DNMBP: variants seen among roughly 807,000 people sequenced by gnomAD.
DNMBP encodes dynamin binding protein.
In DNMBP, 87 loss-of-function variants were observed where a neutral mutation model predicts 150.0. That is an observed-to-expected ratio of 0.58 (90% CI 0.49 to 0.69). The LOEUF (loss-of-function observed/expected upper bound fraction) is 0.69. Ranked by LOEUF, DNMBP falls within the 30% of genes least tolerant of loss-of-function variation. The pLI, the probability that DNMBP is intolerant of heterozygous loss-of-function variation, is 0.00. For synonymous variants in DNMBP, 711 were observed against 750.4 expected (o/e 0.95, Z 0.86); for missense variants, 1,774 against 1,949.0 (o/e 0.91, Z 1.69).
chr10:100,004,327 G>A (rs2041046397), intron 1 of DNMBP, among the ~76,000 whole-genome samples: 1 of 151,632 alleles, frequency 6.6e-6, no homozygotes, highest in Non-Finnish European at 1.5e-5. Flanking sequence ...ATTTTATATG[G>A]AAAAAATAAA....
chr10:99,913,186 C>T (rs1456695996), intron 4 of DNMBP, among the ~76,000 whole-genome samples: 1 of 152,028 alleles, frequency 6.6e-6, no homozygotes, highest in African/African-American at 2.4e-5. Context: ...GCGGCCTTCA[C>T]CCCCAGCCAG....
chr10:99,992,344 C>CTTTTTTTTTTTTTTTTTTTTTTTTTTTTT (rs1554874599), intron 1 of DNMBP, among the ~76,000 whole-genome samples: 1 of 151,128 alleles, frequency 6.6e-6, no homozygotes, highest in African/African-American at 2.4e-5. Context: ...AATTACTTAA[C>CTTTTTTTTTTTTTTTTTTTTTTTTTTTTT]TTTTTATTAA....
At chr10:99,973,646 G>A (rs2040699940) in intron 1 of DNMBP, among the ~76,000 whole-genome samples, 2 of 152,182 alleles carry the variant, frequency 1.3e-5, no homozygotes, top group Admixed American at 6.5e-5. Flanking sequence ...ACCACAACCT[G>A]AAGAACAGCA....
chr10:99,894,910 G>T, intron 11 of DNMBP, 36 bp downstream of exon 11: 2 of 1,452,446 alleles, frequency 1.4e-6, no homozygotes, highest in Non-Finnish European at 9.7e-7. Flanking sequence ...GAATTACATC[G>T]TATGTTAATC....
intron 16 of DNMBP, among the ~76,000 whole-genome samples, chr10:99,878,758 G>A (rs773465106): frequency 3.9e-5 from 6 of 152,122 alleles, no homozygotes; most frequent in Non-Finnish European, 7.3e-5. Context: ...ACTGAAGAGC[G>A]AGCAAAGGCA....
intron 11 of DNMBP, 137 bp from the exon 12 acceptor site, chr10:99,889,090 C>A: frequency 1.0e-6 from 1 of 977,678 alleles, no homozygotes; most frequent in East Asian, 2.6e-5. Context: ...GGTATTTTAG[C>A]TTTGAAATAA....
chr10:99,956,149 T>TAGTA lies in DNMBP; in HGVS notation c.1324_1325insTACT (p.Gln442LeufsTer14). ...TTCTAGGGGAAGAAGGTCGGGGTAC[T>TAGTA]GTTCTGAGTGCGGGTGGCTCCCTCC... On this transcript the variant is annotated frameshift_variant, in exon 4 of 17. Coordinates refer to ENST00000324109, the MANE Select transcript of DNMBP (RefSeq NM_015221.4). LOFTEE classifies it high-confidence loss of function. 2 of 1,614,178 alleles carry TAGTA rather than the reference T, an allele frequency of 1.2e-6. No individual in the cohort carries two copies. The highest frequency in any genetic ancestry group is 1.7e-6 in the Non-Finnish European group (2 of 1,180,038).
At chr10:100,001,389 T>C (rs1168714622) in intron 1 of DNMBP, among the ~76,000 whole-genome samples, 1 of 147,894 alleles carries the variant, frequency 6.8e-6, no homozygotes, top group Non-Finnish European at 1.5e-5. Context: ...AACAAAACAA[T>C]TGTGATGGGG....
At chr10:99,952,070 C>G (rs908957389) in intron 4 of DNMBP, among the ~76,000 whole-genome samples, 3 of 152,018 alleles carry the variant, frequency 2.0e-5, no homozygotes, top group African/African-American at 7.2e-5. Context: ...CTCATGAGAT[C>G]TGATGGTTTT....
chr10:99,935,564 TTTG>T (rs572903602), intron 4 of DNMBP, among the ~76,000 whole-genome samples: 1 of 151,818 alleles, frequency 6.6e-6, no homozygotes, highest in African/African-American at 2.4e-5. Flanking sequence ...ACTTAAATTT[TTTG>T]TTGTTGTTGT....
At chr10:99,917,668 G>C (rs2039978369) in intron 4 of DNMBP, among the ~76,000 whole-genome samples, 1 of 152,086 alleles carries the variant, frequency 6.6e-6, no homozygotes, top group Non-Finnish European at 1.5e-5. Flanking sequence ...CCCTATAAAT[G>C]GATGAAGAAA....
Position 99,965,140 on chromosome 10 carries a change from T to C in DNMBP, c.268+3975A>G, listed in dbSNP as rs2133346231. 1.3e-5 allele frequency among the ~76,000 whole-genome samples: 2 copies of C among 152,226 alleles called. 1 individual carries two copies. The highest frequency in any genetic ancestry group is 4.2e-4 in the South Asian group (2 of 4,818). On this transcript the variant is annotated intron_variant, in intron 3 of 16. Transcript: ENST00000324109. The stretch of plus-strand genomic sequence containing the variant: ...AGAATAGCTAGCATTTACTGAGCGC[T>C]TACCTACTACCACATGCTTTCCATG...
chr10:99,950,359 G>A (rs2040406553), intron 4 of DNMBP, among the ~76,000 whole-genome samples: 1 of 152,096 alleles, frequency 6.6e-6, no homozygotes, highest in Non-Finnish European at 1.5e-5. Context: ...GACTAATACA[G>A]GAAAATGGTA....
chr10:99,943,057 G>A (rs368111767), intron 4 of DNMBP, among the ~76,000 whole-genome samples: 2 of 152,136 alleles, frequency 1.3e-5, no homozygotes, highest in African/African-American at 4.8e-5. Flanking sequence ...CTGAGGGGGG[G>A]GCGGATCACC....
chr10:99,963,047 C>T (rs1440668740), intron 3 of DNMBP, among the ~76,000 whole-genome samples: 1 of 152,080 alleles, frequency 6.6e-6, no homozygotes, highest in Non-Finnish European at 1.5e-5. Flanking sequence ...AGTTCAATAC[C>T]CTTTTTATTT....
chr10:99,947,424 G>C (rs2040369750), intron 4 of DNMBP, among the ~76,000 whole-genome samples: 1 of 152,162 alleles, frequency 6.6e-6, no homozygotes, highest in Admixed American at 6.5e-5. Flanking sequence ...CATGGATGCA[G>C]CTGGAGGCCA....
At chr10:99,907,500 T>C (rs1226377925) in intron 6 of DNMBP, among the ~76,000 whole-genome samples, 1 of 151,494 alleles carries the variant, frequency 6.6e-6, no homozygotes, top group Non-Finnish European at 1.5e-5. Flanking sequence ...CCTCCTAGAC[T>C]CAAGCAATCC....
Position 99,895,003 on chromosome 10 carries a change from T to C in DNMBP, c.3099A>G (p.Gln1033=), listed in dbSNP as rs1416795583. 5.0e-6 allele frequency: 8 copies of C among 1,613,932 alleles called. No individual in the cohort carries two copies. The highest frequency in any genetic ancestry group is 1.7e-5 in the Admixed American group (1 of 59,998). The part of the protein sequence containing the change: ...FEETEKNFRM[Q]ERLIKSFIRD... ...GGATAAAAGACTTAATCAATCTTTC[T>C]TGCATTCGGAAGTTTTTTTCTGTTT... The change falls in exon 11 of 17, where the codon CAA becomes CAG. Residue 1033 remains glutamine, a synonymous_variant. Coordinates refer to ENST00000324109, the MANE Select transcript of DNMBP (RefSeq NM_015221.4).
intron 4 of DNMBP, among the ~76,000 whole-genome samples, chr10:99,941,538 G>A (rs891567486): frequency 6.6e-6 from 1 of 151,000 alleles, no homozygotes; most frequent in Non-Finnish European, 1.5e-5. Context: ...GCACGATCTC[G>A]GCTCACCGCA....
Sources: allele counts gnomAD v4.1 joint callset (sites outside exome capture counted in the v4.1 genomes callset), GRCh38; gene constraint gnomAD v4.1.1; transcripts MANE v1.5; gene names NCBI Gene and HGNC (gene_info 2026-07-23, HGNC 2026-07-21).